ITGB8: variants seen among roughly 807,000 people sequenced by gnomAD.
ITGB8 encodes integrin subunit beta 8, also known as integrin beta-8.
A neutral mutation model predicts 89.5 loss-of-function variants in ITGB8; 30 were observed. That is an observed-to-expected ratio of 0.34 (90% CI 0.25 to 0.45). The LOEUF (loss-of-function observed/expected upper bound fraction) is 0.45, where lower values mean the gene tolerates loss of function less well. ITGB8 is among the 20% of genes least tolerant of loss of function. The pLI is 1.00. For synonymous variants in ITGB8, 335 were observed against 320.4 expected, an observed-to-expected ratio of 1.05 and a Z score of -0.49; for missense variants, 836 against 933.3, an observed-to-expected ratio of 0.90 and a Z score of 1.36.
chr7:20,391,272 G>T, intron 6 of ITGB8, 131 bp from the exon 7 acceptor site: 1 of 437,214 alleles, frequency 2.3e-6, no homozygotes, highest in South Asian at 7.4e-5. Flanking sequence ...AAATTTAAAT[G>T]TCTTCAGTAA....
At chr7:20,393,861 GCT>G (rs1433767645) in intron 7 of ITGB8, among the ~76,000 whole-genome samples, 4 of 152,126 alleles carry the variant, frequency 2.6e-5, no homozygotes, top group African/African-American at 9.7e-5. Context: ...ACCTTCCCCA[GCT>G]CTCAAATGCT....
chr7:20,398,399 T>C (rs1787174626), intron 8 of ITGB8, among the ~76,000 whole-genome samples: 1 of 152,252 alleles, frequency 6.6e-6, no homozygotes, highest in Non-Finnish European at 1.5e-5. Context: ...GCTATCATGA[T>C]AGTCTCAATT....
chr7:20,394,636 G>A (rs1018022888), intron 7 of ITGB8, among the ~76,000 whole-genome samples: 1 of 152,162 alleles, frequency 6.6e-6, no homozygotes, highest in African/African-American at 2.4e-5. Context: ...TCTGCATTTC[G>A]ATTGGATTTT....
At chr7:20,379,410 A>C (rs1480948419) in intron 4 of ITGB8, 113 bp downstream of exon 4, 1 of 655,334 alleles carries the variant, frequency 1.5e-6, no homozygotes, top group African/African-American at 1.9e-5. Context: ...ATAAAATAAG[A>C]ATAAAAATAT....
intron 1 of ITGB8, among the ~76,000 whole-genome samples, chr7:20,359,668 GGA>G (rs985806452): frequency 7.0e-6 from 1 of 143,522 alleles, no homozygotes; most frequent in African/African-American, 2.5e-5. Context: ...GGGGAGGGAA[GGA>G]GAGAGAGTGT....
chr7:20,386,985 T>G (rs2127968376), intron 6 of ITGB8, among the ~76,000 whole-genome samples: 1 of 152,212 alleles, frequency 6.6e-6, no homozygotes, highest in South Asian at 2.1e-4. Flanking sequence ...AGCCACAAAC[T>G]CAAACATCTG....
chr7:20,376,684 C>A (rs554058288), intron 3 of ITGB8, among the ~76,000 whole-genome samples: 1 of 152,080 alleles, frequency 6.6e-6, no homozygotes, highest in Non-Finnish European at 1.5e-5. Context: ...AAGCAGAGCA[C>A]GATTTGGGGT....
intron 8 of ITGB8, among the ~76,000 whole-genome samples, chr7:20,396,096 T>A (rs1257939401): frequency 3.3e-5 from 5 of 152,176 alleles, no homozygotes; most frequent in Admixed American, 3.3e-4. Context: ...GCACCTTCCT[T>A]TAGCTTGGGC....
chr7:20,395,367 G>A (rs77336863), intron 8 of ITGB8, among the ~76,000 whole-genome samples: 3,008 of 152,306 alleles, frequency 0.02, 107 homozygotes, highest in African/African-American at 0.068. Context: ...GCAATAATCT[G>A]CCAGGGCAGT....
At chr7:20,340,478 ATG>A (rs1238501348) in intron 1 of ITGB8, among the ~76,000 whole-genome samples, 1 of 152,150 alleles carries the variant, frequency 6.6e-6, no homozygotes, top group Non-Finnish European at 1.5e-5. Flanking sequence ...GGTATGTGAG[ATG>A]TGTGGTGGAT....
chr7:20,381,663 A>T, intron 5 of ITGB8, 64 bp from the exon 6 acceptor site: 1 of 1,248,770 alleles, frequency 8.0e-7, no homozygotes, highest in East Asian at 2.3e-5. Context: ...TGTTTACTTG[A>T]GGTAAAAACC....
intron 1 of ITGB8, among the ~76,000 whole-genome samples, chr7:20,350,454 G>A (rs1410189908): frequency 6.6e-6 from 1 of 152,138 alleles, no homozygotes; most frequent in Non-Finnish European, 1.5e-5. Context: ...AGCCTTTGGT[G>A]GCCTTTTAAA....
rs1175696086 is a variant in ITGB8, at chr7:20,382,028, T to C, written c.960+143T>C. ...AGGATAAGCCATGAGAGAGAATTTA[T>C]GGAACAGTGCAATCTATAAATACTG... On this transcript the variant is annotated intron_variant, in intron 6 of 13. Transcript: ENST00000222573. The C allele has an allele frequency of 2.1e-5, 14 of 660,298 alleles. No homozygotes were observed. In the East Asian group the frequency reaches 3.3e-4, roughly 15 times the overall value. 40.9% of individuals were successfully genotyped at this position (660,298 alleles called of 1,614,324 possible). A position where few individuals can be genotyped will look rare whatever the true frequency, so the allele number is the denominator to read the frequency against.
intron 1 of ITGB8, among the ~76,000 whole-genome samples, chr7:20,337,426 A>G (rs1181879605): frequency 6.6e-6 from 1 of 152,216 alleles, no homozygotes; most frequent in Non-Finnish European, 1.5e-5. Flanking sequence ...GACAGGCACT[A>G]TACTGAGTTC....
rs771018909 is a variant in ITGB8, at chr7:20,331,881, G to A, written c.75G>A (p.Ser25=). 6.2e-7 allele frequency: 1 copy of A among 1,614,150 alleles called. No individual in the cohort carries two copies. Among genetic ancestry groups the A allele is most frequent in the Non-Finnish European group, 8.5e-7 (1 of 1,180,040 alleles). Residue 25 remains serine, a synonymous_variant, in exon 1 of 14, where the codon TCG becomes TCA. Transcript: ENST00000222573. ...AAAACGACCGGCGAGGTCCCGCCTC[G>A]TTCCTCTGGGCAGCCTGGGTGTTTT... ...CLQNDRRGPA[S]FLWAAWVFSL...
chr7:20,393,055 A>G (rs1786927897), intron 7 of ITGB8, among the ~76,000 whole-genome samples: 2 of 152,226 alleles, frequency 1.3e-5, no homozygotes, highest in Admixed American at 1.3e-4. Context: ...CATTTTAAAG[A>G]TGAGGAATCA....
rs779753687 is a variant in ITGB8 at position 20,379,149 on chromosome 7, A to G, written c.487A>G (p.Ile163Val). Reference protein sequence around the residue: ...VDVSASMHNNIEKLNSVGNDL... With the variant: ...VDVSASMHNNVEKLNSVGNDL... ...TGTCTCAGCATCAATGCACAATAAT[A>G]TAGAAAAATTAAATTCCGTTGGAAA... The change falls in exon 4 of 14, where the codon ATA (isoleucine) becomes GTA (valine). Residue 163 changes from isoleucine (I) to valine (V), a missense_variant. By Grantham distance (29) the Ile-to-Val change is conservative (BLOSUM62 3). This residue lies in a region of ITGB8 where 38 missense variants were observed against 52.2 expected (regional missense o/e 0.73). Coordinates refer to ENST00000222573, the MANE Select transcript of ITGB8 (RefSeq NM_002214.3). 6 of 1,609,944 alleles carry G rather than the reference A, an allele frequency of 3.7e-6. No individual in the cohort carries two copies. The highest frequency in any genetic ancestry group is 3.3e-5 in the South Asian group (3 of 90,504).
intron 3 of ITGB8, among the ~76,000 whole-genome samples, chr7:20,368,950 C>A (rs1429492400): frequency 6.6e-6 from 1 of 152,172 alleles, no homozygotes; most frequent in Non-Finnish European, 1.5e-5. Flanking sequence ...TGTTAATCTA[C>A]CTGATTCTTC....
At chr7:20,402,411 AG>A (rs1472073798) in intron 10 of ITGB8, among the ~76,000 whole-genome samples, 1 of 152,200 alleles carries the variant, frequency 6.6e-6, no homozygotes, top group Non-Finnish European at 1.5e-5. Context: ...ATACCAGAAA[AG>A]GAAATGCTGA....
Sources: gnomAD v4.1 joint callset for allele counts (sites outside exome capture counted in the v4.1 genomes callset) on GRCh38, gnomAD v4.1.1 for gene constraint, gnomAD v4.1.1 regional missense constraint, MANE v1.5 for transcripts, NCBI Gene and HGNC (gene_info 2026-07-23, HGNC 2026-07-21) for gene names.